Variants in GALNTL6 observed in about 807,000 individuals in gnomAD.
The protein encoded by GALNTL6 is polypeptide N-acetylgalactosaminyltransferase like 6, also known as polypeptide N-acetylgalactosaminyltransferase-like 6.
GALNTL6 carries 46 observed loss-of-function variants against 73.7 expected under a neutral mutation model. The observed-to-expected ratio is 0.62, with a 90% CI of 0.49 to 0.80. The LOEUF is 0.80. Among genes scored for constraint, GALNTL6 ranks in the 30% least tolerant of loss-of-function variants. GALNTL6 has a pLI of 0.00. For synonymous variants in GALNTL6, 259 were observed against 263.7 expected, an observed-to-expected ratio of 0.98 and a Z score of 0.17; for missense variants, 604 against 755.0, an observed-to-expected ratio of 0.80 and a Z score of 2.34.
intron 5 of GALNTL6, among the ~76,000 whole-genome samples, chr4:172,460,748 A>G (rs1732580841): frequency 6.6e-6 from 1 of 152,188 alleles, no homozygotes; most frequent in South Asian, 2.1e-4. Context: ...GAGAAATAGG[A>G]GTGCTTTTAC....
chr4:172,997,578 GT>G (rs1325435890), intron 10 of GALNTL6, among the ~76,000 whole-genome samples: 7 of 152,058 alleles, frequency 4.6e-5, no homozygotes, highest in Non-Finnish European at 2.9e-5. Context: ...AAATCAACTT[GT>G]TTTTGGCCAG....
chr4:173,011,289 T>C (rs1413869766), intron 11 of GALNTL6, among the ~76,000 whole-genome samples: 1 of 152,238 alleles, frequency 6.6e-6, no homozygotes, highest in Non-Finnish European at 1.5e-5. Context: ...GCAAATATTT[T>C]CTCCCATTCT....
At chr4:171,883,326 T>A (rs945955407) in intron 2 of GALNTL6, among the ~76,000 whole-genome samples, 2 of 152,184 alleles carry the variant, frequency 1.3e-5, no homozygotes, top group African/African-American at 2.4e-5. Context: ...CACTCCAGCC[T>A]GAGCGACAGA....
chr4:172,971,673 G>T (rs951109985), intron 10 of GALNTL6, among the ~76,000 whole-genome samples: 2 of 152,066 alleles, frequency 1.3e-5, no homozygotes, highest in Non-Finnish European at 2.9e-5. Flanking sequence ...CTTAGAGAAA[G>T]GTAGAGTTAG....
intron 4 of GALNTL6, among the ~76,000 whole-genome samples, chr4:172,319,987 G>C (rs1164516227): frequency 6.6e-6 from 1 of 152,042 alleles, no homozygotes; most frequent in African/African-American, 2.4e-5. Context: ...ATGCAACCAA[G>C]AACACAGGGC....
At chr4:172,463,967 T>A (rs1483224629) in intron 5 of GALNTL6, among the ~76,000 whole-genome samples, 1 of 152,234 alleles carries the variant, frequency 6.6e-6, no homozygotes, top group Non-Finnish European at 1.5e-5. Flanking sequence ...GGAACCTGGA[T>A]AAGGATATGG....
intron 5 of GALNTL6, among the ~76,000 whole-genome samples, chr4:172,640,725 G>A (rs748605318): frequency 2.0e-5 from 3 of 152,066 alleles, no homozygotes; most frequent in Non-Finnish European, 4.4e-5. Context: ...CTCATTTTAA[G>A]CTAAACACCT....
chr4:171,847,273 A>G (rs765839409), intron 2 of GALNTL6, among the ~76,000 whole-genome samples: 7 of 152,318 alleles, frequency 4.6e-5, no homozygotes, highest in Non-Finnish European at 8.8e-5. Context: ...ACACTATACT[A>G]TAGTCTATTA....
At chr4:172,565,800 A>T (rs978937502) in intron 5 of GALNTL6, among the ~76,000 whole-genome samples, 2 of 152,200 alleles carry the variant, frequency 1.3e-5, no homozygotes, top group Admixed American at 1.3e-4. Context: ...TGGCTTGCTT[A>T]TACTCTCTAT....
At chr4:171,953,062 A>C (rs1409343155) in intron 2 of GALNTL6, among the ~76,000 whole-genome samples, 1 of 152,190 alleles carries the variant, frequency 6.6e-6, no homozygotes, top group East Asian at 1.9e-4. Context: ...CAAATTATTC[A>C]AAGAGGCGTA....
intron 2 of GALNTL6, among the ~76,000 whole-genome samples, chr4:172,114,500 C>T (rs1732934736): frequency 6.6e-6 from 1 of 152,030 alleles, no homozygotes; most frequent in Non-Finnish European, 1.5e-5. Flanking sequence ...TGTCAACTTA[C>T]AGCTTTGACA....
chr4:172,610,460 T>C (rs923973619), intron 5 of GALNTL6, among the ~76,000 whole-genome samples: 1 of 152,074 alleles, frequency 6.6e-6, no homozygotes, highest in African/African-American at 2.4e-5. Context: ...CAAAAGTCAT[T>C]AGGAGCAGGT....
intron 10 of GALNTL6, among the ~76,000 whole-genome samples, chr4:172,994,137 C>A (rs1751668884): frequency 6.6e-6 from 1 of 152,084 alleles, no homozygotes; most frequent in Admixed American, 6.5e-5. Flanking sequence ...CTGGAGCATT[C>A]ACATATTATC....
chr4:171,818,850 TC>T, intron 2 of GALNTL6, among the ~76,000 whole-genome samples: 1 of 152,208 alleles, frequency 6.6e-6, no homozygotes, highest in Non-Finnish European at 1.5e-5. Flanking sequence ...TTTGTCTAAT[TC>T]ATCTAATGTT....
intron 5 of GALNTL6, among the ~76,000 whole-genome samples, chr4:172,349,149 A>G (rs1212736047): frequency 1.3e-5 from 2 of 152,196 alleles, no homozygotes; most frequent in South Asian, 2.1e-4. Flanking sequence ...GGACACAGGT[A>G]CATATTTTTA....
chr4:172,474,067 G>T (rs560169724), intron 5 of GALNTL6, among the ~76,000 whole-genome samples: 11 of 152,166 alleles, frequency 7.2e-5, no homozygotes, highest in African/African-American at 2.4e-4. Context: ...CATTTACTCT[G>T]ATCCTGCACA....
intron 12 of GALNTL6, among the ~76,000 whole-genome samples, chr4:173,036,850 G>C (rs554937252): frequency 6.6e-6 from 1 of 152,294 alleles, no homozygotes; most frequent in Non-Finnish European, 1.5e-5. Context: ...AAAAAAAACT[G>C]TGTTCAGTTC....
intron 7 of GALNTL6, among the ~76,000 whole-genome samples, chr4:172,852,116 C>A (rs996747728): frequency 6.6e-6 from 1 of 152,080 alleles, no homozygotes; most frequent in Non-Finnish European, 1.5e-5. Context: ...GGGGACTTGT[C>A]TTAAAGCTAC....
intron 2 of GALNTL6, among the ~76,000 whole-genome samples, chr4:172,107,570 G>T (rs1560926066): frequency 6.7e-6 from 1 of 150,220 alleles, no homozygotes; most frequent in Non-Finnish European, 1.5e-5. Context: ...GCAAATTATT[G>T]CAAGGACAAA....
Sources: allele counts gnomAD v4.1 joint callset (sites outside exome capture counted in the v4.1 genomes callset), GRCh38; gene constraint gnomAD v4.1.1; transcripts MANE v1.5; gene names NCBI Gene and HGNC (gene_info 2026-07-23, HGNC 2026-07-21).